The following DOCK2 variants were observed in gnomAD, a reference collection of about 807,000 sequenced individuals.
DOCK2 encodes the protein dedicator of cytokinesis protein 2.
In DOCK2, 87 loss-of-function variants were observed where a neutral mutation model predicts 248.9. That is an observed-to-expected ratio of 0.35 (90% confidence interval 0.29 to 0.42). The LOEUF (loss-of-function observed/expected upper bound fraction) is 0.42, where lower values mean the gene tolerates loss of function less well. Ranked by LOEUF, DOCK2 falls within the 10% of genes least tolerant of loss-of-function variation. DOCK2 has a pLI of 1.00. For synonymous variants in DOCK2, 805 were observed against 821.6 expected (o/e 0.98, Z 0.35); for missense variants, 1,747 against 2,300.2 (o/e 0.76, Z 4.92).
At chr5:169,713,930 T>C in intron 17 of DOCK2, 98 bp from the exon 18 acceptor site, 3 of 1,360,510 alleles carry the variant, frequency 2.2e-6, no homozygotes, top group Non-Finnish European at 2.0e-6. Context: ...TCTTTATGAC[T>C]CTCCCCACTT....
intron 26 of DOCK2, among the ~76,000 whole-genome samples, chr5:169,818,484 C>T (rs1339565986): frequency 6.6e-6 from 1 of 152,206 alleles, no homozygotes; most frequent in Non-Finnish European, 1.5e-5. Flanking sequence ...GGTACTGGGG[C>T]CTCTCTGAGC....
At chr5:169,641,956 T>C (rs1348896588) in intron 1 of DOCK2, among the ~76,000 whole-genome samples, 1 of 152,236 alleles carries the variant, frequency 6.6e-6, no homozygotes, top group Non-Finnish European at 1.5e-5. Flanking sequence ...AGCCTAATAA[T>C]GGGCCTCACT....
At chr5:169,821,992 T>C (rs144513842) in intron 26 of DOCK2, among the ~76,000 whole-genome samples, 26,634 of 151,948 alleles carry the variant, frequency 0.18, 2,630 homozygotes, top group Admixed American at 0.24. Flanking sequence ...AAACAGACTT[T>C]AAGCCAATAA....
chr5:169,991,717 C>A (rs2113793939), intron 29 of DOCK2, among the ~76,000 whole-genome samples: 1 of 152,320 alleles, frequency 6.6e-6, no homozygotes, highest in East Asian at 1.9e-4. Context: ...TGGAAGCATG[C>A]CAGTGCCGGA....
At chr5:169,637,880 G>A (rs951332656) in intron 1 of DOCK2, among the ~76,000 whole-genome samples, 1 of 152,158 alleles carries the variant, frequency 6.6e-6, no homozygotes, top group African/African-American at 2.4e-5. Context: ...AAGCTTGGGG[G>A]AATGGGGCTG....
chr5:170,061,463 T>C (rs551902799), intron 44 of DOCK2, among the ~76,000 whole-genome samples: 15 of 152,340 alleles, frequency 9.8e-5, no homozygotes, highest in Middle Eastern at 3.4e-3. Flanking sequence ...GGCTGGCACA[T>C]AGGAGGCAAT....
rs186871315 is a variant in DOCK2 at position 169,875,314 on chromosome 5, A to G, written c.2799+34462A>G. The G allele has an allele frequency of 5.3e-5, 24 of 456,694 alleles. 1 individual carries two copies. Among genetic ancestry groups the G allele is most frequent in the South Asian group, 3.1e-4 (20 of 64,566 alleles). The allele number at this position is 456,694 out of a possible 1,614,324, so 28.3% of individuals were successfully genotyped here. Reference sequence around the variant, plus strand: ...GGCTGAAACCCAGCAACAAGTTTCCATAGACACCCAGGAGGTTCCGATGCA... The same window carrying G: ...GGCTGAAACCCAGCAACAAGTTTCCGTAGACACCCAGGAGGTTCCGATGCA... On this transcript the variant is annotated intron_variant, in intron 27 of 51. Coordinates refer to ENST00000520908, the MANE Select transcript of DOCK2 (RefSeq NM_004946.3).
chr5:169,786,690 C>T (rs1766001133), intron 25 of DOCK2, among the ~76,000 whole-genome samples: 1 of 152,132 alleles, frequency 6.6e-6, no homozygotes, highest in African/African-American at 2.4e-5. Flanking sequence ...TACTTGACTA[C>T]AAGTTCCAGT....
intron 27 of DOCK2, among the ~76,000 whole-genome samples, chr5:169,967,902 A>G (rs563953346): frequency 6.6e-6 from 1 of 152,208 alleles, no homozygotes; most frequent in Non-Finnish European, 1.5e-5. Flanking sequence ...GGTGGAACAA[A>G]GGACTATGGC....
chr5:170,014,107 C>T lies in DOCK2; in HGVS notation c.3233-4853C>T, dbSNP rs188670036. Among the ~76,000 whole-genome samples, 21 of 152,268 alleles carry T rather than the reference C, an allele frequency of 1.4e-4. No homozygotes were observed. The East Asian group carries it at 3.9e-3, about 28-fold the overall frequency. On this transcript the variant is annotated intron_variant, in intron 32 of 51. Transcript: ENST00000520908. ...GGCTGAAGGAAAGACAGGGAAAGGG[C>T]AGATATTACAAGGGAGCAACCAGCC...
chr5:170,022,650 A>G (rs1755770321), intron 33 of DOCK2, among the ~76,000 whole-genome samples: 1 of 152,166 alleles, frequency 6.6e-6, no homozygotes, highest in South Asian at 2.1e-4. Context: ...GCCAGGACAC[A>G]TGCTAGTCAG....
intron 22 of DOCK2, among the ~76,000 whole-genome samples, chr5:169,738,899 C>G (rs1763175667): frequency 6.6e-6 from 1 of 152,158 alleles, no homozygotes; most frequent in African/African-American, 2.4e-5. Flanking sequence ...TTACCCTGTC[C>G]TCTGCGGGCA....
intron 27 of DOCK2, among the ~76,000 whole-genome samples, chr5:169,933,923 A>G (rs1224263804): frequency 6.6e-6 from 1 of 152,222 alleles, no homozygotes; most frequent in Non-Finnish European, 1.5e-5. Context: ...TGGTGTCGCC[A>G]TTAATGCTAC....
chr5:169,861,122 G>A (rs541585300), intron 27 of DOCK2, among the ~76,000 whole-genome samples: 4 of 152,262 alleles, frequency 2.6e-5, no homozygotes, highest in East Asian at 1.9e-4. Flanking sequence ...CACGGGACAC[G>A]CGGGGCTTCA....
chr5:169,987,624 A>T (rs937378507), intron 29 of DOCK2, among the ~76,000 whole-genome samples: 1 of 152,200 alleles, frequency 6.6e-6, no homozygotes, highest in Non-Finnish European at 1.5e-5. Flanking sequence ...GCTTTGAAGG[A>T]ATATTTCCTC....
At chr5:169,749,558 C>T (rs1763794287) in intron 23 of DOCK2, among the ~76,000 whole-genome samples, 1 of 152,124 alleles carries the variant, frequency 6.6e-6, no homozygotes. Context: ...CTTAAGGTTT[C>T]TATTTTATTG....
At chr5:170,042,943 C>T (rs1224535353) in intron 38 of DOCK2, among the ~76,000 whole-genome samples, 3 of 152,214 alleles carry the variant, frequency 2.0e-5, no homozygotes, top group African/African-American at 7.2e-5. Flanking sequence ...GGCCTATGTC[C>T]TAGGTTCTGT....
intron 27 of DOCK2, among the ~76,000 whole-genome samples, chr5:169,962,901 C>G (rs1201427975): frequency 6.6e-6 from 1 of 152,098 alleles, no homozygotes; most frequent in Non-Finnish European, 1.5e-5. Context: ...GCTCCCCTGT[C>G]CCTGCCTGGC....
At chr5:169,914,418 A>G (rs1774767559) in intron 27 of DOCK2, among the ~76,000 whole-genome samples, 1 of 152,232 alleles carries the variant, frequency 6.6e-6, no homozygotes, top group Non-Finnish European at 1.5e-5. Flanking sequence ...CTCTTGGGGA[A>G]TATCCGTGAA....
Sources: gnomAD v4.1 joint callset for allele counts (sites outside exome capture counted in the v4.1 genomes callset) on GRCh38, gnomAD v4.1.1 for gene constraint, MANE v1.5 for transcripts, NCBI Gene and HGNC (gene_info 2026-07-23, HGNC 2026-07-21) for gene names.